Variants in OGFOD2 observed in about 807,000 individuals in gnomAD.
OGFOD2 encodes the protein 2-oxoglutarate and iron dependent oxygenase domain containing 2, also known as 2-oxoglutarate and iron-dependent oxygenase domain-containing protein 2.
A neutral mutation model predicts 31.1 loss-of-function variants in OGFOD2; 34 were observed. The observed-to-expected ratio is 1.09, with a 90% CI of 0.83 to 1.45. The LOEUF is 1.45. OGFOD2 is among the 40% of genes most tolerant of loss of function. The probability of loss-of-function intolerance (pLI) is 0.00; values close to 1 mark genes in which losing one functional copy is unlikely to be tolerated. For synonymous variants in OGFOD2, 240 were observed against 192.3 expected (o/e 1.25, Z -2.05); for missense variants, 537 against 433.9 (o/e 1.24, Z -2.11).
At chr12:122,978,307 C>G in intron 4 of OGFOD2, 135 bp from the exon 5 acceptor site, 2 of 1,118,560 alleles carry the variant, frequency 1.8e-6, no homozygotes, top group Non-Finnish European at 2.5e-6. Flanking sequence ...ATGTTACTTC[C>G]TTAAGTCATC....
At chr12:122,977,136 A>G (rs1308363128) in intron 4 of OGFOD2, 166 bp downstream of exon 4, 2 of 688,760 alleles carry the variant, frequency 2.9e-6, no homozygotes, top group Middle Eastern at 2.3e-4. Flanking sequence ...GGACATCCGC[A>G]TTCATTCATT....
At chr12:122,976,043 A>G (rs2037416610) in intron 2 of OGFOD2, 176 bp downstream of exon 2, 1 of 604,074 alleles carries the variant, frequency 1.7e-6, no homozygotes, top group Non-Finnish European at 3.0e-6. Context: ...ACCAGGAGAG[A>G]GAAGGGGAAA....
chr12:122,978,244 G>T (rs934475542), intron 4 of OGFOD2, 198 bp from the exon 5 acceptor site: 5 of 609,164 alleles, frequency 8.2e-6, no homozygotes, highest in African/African-American at 5.6e-5. Context: ...AGAGTCTGGG[G>T]AAAGGTTCCG....
chr12:122,974,867 C>A (rs2037360157), upstream of OGFOD2: 1 of 173,702 alleles, frequency 5.8e-6, no homozygotes, highest in African/African-American at 2.4e-5. Flanking sequence ...GCTCTTTAAA[C>A]TGTCCTCAGC....
At chr12:122,976,996 C>T in intron 4 of OGFOD2, 26 bp downstream of exon 4, 2 of 1,599,120 alleles carry the variant, frequency 1.3e-6, no homozygotes, top group Non-Finnish European at 1.7e-6. Flanking sequence ...TGAGACCTGG[C>T]AGGACCAGGG....
At chr12:122,977,433 G>A in intron 4 of OGFOD2, 1 of 206,012 alleles carries the variant, frequency 4.9e-6, no homozygotes, top group Non-Finnish European at 1.0e-5. Flanking sequence ...TCCAAGTAGG[G>A]CAAAAAATGC....
At chr12:122,978,530 C>T in exon 5 of OGFOD2, 1 of 1,613,446 alleles carries the variant, frequency 6.2e-7, no homozygotes, top group Non-Finnish European at 8.5e-7. Flanking sequence ...AGCAATCGGA[C>T]ATGCCTAAGG....
chr12:122,978,785 G>A (rs781292127), exon 6 of OGFOD2: 8 of 1,611,198 alleles, frequency 5.0e-6, no homozygotes, highest in South Asian at 2.2e-5. Context: ...TGGACGAGCC[G>A]CTGATGACAC....
At chr12:122,979,250 G>A (rs2037541983) in exon 7 of OGFOD2, 1 of 1,612,928 alleles carries the variant, frequency 6.2e-7, no homozygotes, top group Non-Finnish European at 8.5e-7. Flanking sequence ...TCTGTCCCAT[G>A]TGCTGCCGTG....
At position 122,979,355 on chromosome 12, in the gene OGFOD2, G is replaced by A. The variant is rs775961876; in HGVS notation, c.*9G>A. On this transcript the variant is annotated 3_prime_UTR_variant, in exon 7 of 7. Coordinates refer to ENST00000228922, the Ensembl canonical transcript of OGFOD2. ...TATGTGCGCTCACCTGAGCTTGCTT[G>A]GGCCCAGTGTGGGGGTGGCAGGCAG... The A allele has an allele frequency of 8.8e-6, 14 of 1,590,472 alleles. No homozygotes were observed. In the African/African-American group the frequency reaches 1.5e-4, roughly 17 times the overall value.
chr12:122,977,008 A>G (rs751800057), intron 4 of OGFOD2, 38 bp downstream of exon 4: 3 of 1,587,170 alleles, frequency 1.9e-6, no homozygotes, highest in Non-Finnish European at 2.6e-6. Context: ...GGACCAGGGA[A>G]TGGCAGCCTG....
chr12:122,978,442 A>T, exon 5 of OGFOD2: 1 of 1,613,308 alleles, frequency 6.2e-7, no homozygotes, highest in Non-Finnish European at 8.5e-7. Context: ...CCTTCCACAG[A>T]GGAGAAGCGC....
chr12:122,976,353 G>T, intron 2 of OGFOD2: 2 of 1,613,194 alleles, frequency 1.2e-6, no homozygotes, highest in Non-Finnish European at 8.5e-7. Context: ...TGGAACACAG[G>T]ACTTGGCCAT....
chr12:122,975,716 C>T, intron 1 of OGFOD2, 95 bp from the exon 2 acceptor site: 1 of 673,910 alleles, frequency 1.5e-6, no homozygotes, highest in Non-Finnish European at 2.8e-6. Flanking sequence ...GGTCGGGGCT[C>T]CTCTCCCCAT....
exon 2 of OGFOD2, chr12:122,975,863 C>G: frequency 1.4e-6 from 1 of 702,924 alleles, no homozygotes; most frequent in Admixed American, 2.0e-5. Context: ...CAGCTGTTAG[C>G]AGAGGTACCA....
chr12:122,977,088 G>GGTCAGTGGGTC lies in OGFOD2; in HGVS notation c.403+118_403+119insGTCAGTGGGTC, dbSNP rs767165424. On this transcript the variant is annotated intron_variant, in intron 4 of 6. Coordinates refer to ENST00000228922, the Ensembl canonical transcript of OGFOD2. ...CTGCCTCCAAAAACCAAACCAGCAGGAGCTGGAAGGGTCAGTGGGACCAAC... is the reference window on the plus strand; with the variant it reads ...CTGCCTCCAAAAACCAAACCAGCAGGGTCAGTGGGTCAGCTGGAAGGGTCAGTGGGACCAAC... 3.5e-5 allele frequency: 32 copies of GGTCAGTGGGTC among 926,132 alleles called. No homozygotes were observed. In the East Asian group the frequency reaches 7.8e-4, roughly 23 times the overall value. 57.4% of individuals were successfully genotyped at this position (926,132 alleles called of 1,614,324 possible).
chr12:122,978,607 C>G, intron 5 of OGFOD2, 38 bp downstream of exon 5: 3 of 1,604,216 alleles, frequency 1.9e-6, no homozygotes, highest in Non-Finnish European at 2.6e-6. Flanking sequence ...GAGGGGGTGG[C>G]TGGGGTCAGG....
chr12:122,976,798 G>T (rs2037447653), intron 3 of OGFOD2, 31 bp downstream of exon 3: 3 of 1,604,938 alleles, frequency 1.9e-6, no homozygotes, highest in Non-Finnish European at 2.6e-6. Context: ...TTGAAGGCCG[G>T]TACTGGAAAG....
chr12:122,978,977 AGGGGGCGCCCTGTATTTT>A, exon 6 of OGFOD2: 1 of 1,613,070 alleles, frequency 6.2e-7, no homozygotes, highest in Non-Finnish European at 8.5e-7. Flanking sequence ...AGGTCTTCAC[AGGGGGCGCCCTGTATTTT>A]GGGGGCCTCT....
Sources: allele counts gnomAD v4.1 joint callset, GRCh38; gene constraint gnomAD v4.1.1; transcripts MANE v1.5; gene names NCBI Gene and HGNC (gene_info 2026-07-23, HGNC 2026-07-21).